The following MAP4K4 variants were observed in gnomAD, a reference collection of about 807,000 sequenced individuals.
The protein encoded by MAP4K4 is mitogen-activated protein kinase kinase kinase kinase 4.
In MAP4K4, 38 loss-of-function variants were observed where a neutral mutation model predicts 189.6. The observed-to-expected ratio is 0.20, with a 90% confidence interval of 0.15 to 0.26. The LOEUF is 0.26. MAP4K4 is among the 10% of genes least tolerant of loss of function. The pLI, the probability that MAP4K4 is intolerant of heterozygous loss-of-function variation, is 1.00. For missense variants in MAP4K4, 1,054 were observed against 1,726.9 expected (o/e 0.61, Z 6.91); for synonymous variants, 610 against 624.3 (o/e 0.98, Z 0.34).
exon 1 of MAP4K4, chr2:101,698,042 CATTT>C (rs1160391544): frequency 7.7e-7 from 1 of 1,291,176 alleles, no homozygotes; most frequent in Non-Finnish European, 1.0e-6. Flanking sequence ...GCGACAGAGA[CATTT>C]ATTGTTATTT....
At chr2:101,724,567 T>G (rs949673723) in intron 2 of MAP4K4, among the ~76,000 whole-genome samples, 2 of 152,218 alleles carry the variant, frequency 1.3e-5, no homozygotes, top group Non-Finnish European at 2.9e-5. Context: ...GTGTTTTAGG[T>G]CTTCATTTGT....
chr2:101,737,461 A>ATTTTTTTTTTTTTTTT (rs1173208424), intron 2 of MAP4K4, among the ~76,000 whole-genome samples: 1 of 26,006 alleles, frequency 3.8e-5, no homozygotes, highest in African/African-American at 1.5e-4. Flanking sequence ...ATATATATAT[A>ATTTTTTTTTTTTTTTT]TTTTTTTTTT....
At chr2:101,714,571 G>C (rs371688384) in intron 2 of MAP4K4, among the ~76,000 whole-genome samples, 23 of 151,916 alleles carry the variant, frequency 1.5e-4, no homozygotes, top group Non-Finnish European at 4.4e-5. Flanking sequence ...TATCTTCCCC[G>C]TTATCAAAAA....
chr2:101,759,939 G>T (rs907657588), intron 2 of MAP4K4, among the ~76,000 whole-genome samples: 6 of 151,498 alleles, frequency 4.0e-5, no homozygotes, highest in African/African-American at 1.2e-4. Context: ...TGACTCCTGG[G>T]CCCAAGTGAT....
At chr2:101,703,617 C>CAAAA (rs58122658) in intron 2 of MAP4K4, among the ~76,000 whole-genome samples, 6 of 38,976 alleles carry the variant, frequency 1.5e-4, no homozygotes, top group African/African-American at 3.5e-4. Flanking sequence ...GACTCTGTCT[C>CAAAA]AAAAAAAAAA....
intron 2 of MAP4K4, among the ~76,000 whole-genome samples, chr2:101,787,015 A>T (rs1401877268): frequency 6.6e-6 from 1 of 152,234 alleles, no homozygotes; most frequent in Non-Finnish European, 1.5e-5. Flanking sequence ...TAATAGGACA[A>T]GAGAGTAACA....
chr2:101,717,440 T>C (rs889554371), intron 2 of MAP4K4, among the ~76,000 whole-genome samples: 2 of 152,214 alleles, frequency 1.3e-5, no homozygotes, highest in African/African-American at 4.8e-5. Context: ...CAACAAATGA[T>C]GGGATTTGAG....
intron 12 of MAP4K4, among the ~76,000 whole-genome samples, chr2:101,847,355 A>G (rs2149647070): frequency 6.6e-6 from 1 of 152,346 alleles, no homozygotes; most frequent in East Asian, 1.9e-4. Context: ...GTTAACTGCA[A>G]AAGAGCCTTA....
At chr2:101,851,528 C>G (rs2097282999) in intron 12 of MAP4K4, among the ~76,000 whole-genome samples, 1 of 152,054 alleles carries the variant, frequency 6.6e-6, no homozygotes, top group South Asian at 2.1e-4. Context: ...GCCAGCTTTT[C>G]ACATTACCTA....
chr2:101,893,026 T>A, exon 33 of MAP4K4: 1 of 456,484 alleles, frequency 2.2e-6, no homozygotes, highest in South Asian at 1.5e-5. Flanking sequence ...TTCCTGTATA[T>A]TGTGAAAATG....
chr2:101,727,445 T>G (rs549076065), intron 2 of MAP4K4, among the ~76,000 whole-genome samples: 1 of 152,332 alleles, frequency 6.6e-6, no homozygotes, highest in Admixed American at 6.5e-5. Context: ...TCAGTGAGGT[T>G]GTCTTTTGAT....
Position 101,879,236 on chromosome 2 carries a change from G to C in MAP4K4, c.3385+2090G>C, listed in dbSNP as rs1173405366. 1.4e-5 allele frequency among the ~76,000 whole-genome samples: 2 copies of C among 145,348 alleles called. 1 individual carries two copies. Among genetic ancestry groups the C allele is most frequent in the East Asian group, 3.9e-4 (2 of 5,096 alleles). ...AAAAAAAAATTAATAATTATAATCA[G>C]CTGATACCAGTAATCATTTTTTGGT... On this transcript the variant is annotated intron_variant, in intron 27 of 32. Transcript: ENST00000324219.
intron 3 of MAP4K4, among the ~76,000 whole-genome samples, chr2:101,805,007 G>A (rs971344020): frequency 2.0e-5 from 3 of 150,284 alleles, no homozygotes; most frequent in Non-Finnish European, 4.4e-5. Context: ...CCAGGAGGCG[G>A]AGGTTGCAGT....
chr2:101,714,165 TTTAGTTTAATAGTTG>T (rs1485107562), intron 2 of MAP4K4, among the ~76,000 whole-genome samples: 2 of 152,148 alleles, frequency 1.3e-5, no homozygotes, highest in Non-Finnish European at 2.9e-5. Flanking sequence ...CCTTTTCAGG[TTTAGTTTAATAGTTG>T]TTATTCTTAT....
chr2:101,698,995 G>A (rs1198010754), intron 2 of MAP4K4, among the ~76,000 whole-genome samples: 1 of 152,164 alleles, frequency 6.6e-6, no homozygotes, highest in African/African-American at 2.4e-5. Flanking sequence ...TGCTCAAGGT[G>A]GGGAGTTTGG....
intron 3 of MAP4K4, among the ~76,000 whole-genome samples, chr2:101,795,582 T>C (rs892899567): frequency 1.3e-5 from 2 of 152,204 alleles, no homozygotes; most frequent in African/African-American, 2.4e-5. Flanking sequence ...CTGGAACAAG[T>C]AGATATTTGA....
chr2:101,731,865 T>C (rs2058657558), intron 2 of MAP4K4, among the ~76,000 whole-genome samples: 1 of 152,188 alleles, frequency 6.6e-6, no homozygotes, highest in Non-Finnish European at 1.5e-5. Flanking sequence ...AGGATTCCTT[T>C]TAAATGAAAA....
At chr2:101,706,394 T>G (rs1432584440) in intron 2 of MAP4K4, among the ~76,000 whole-genome samples, 1 of 152,246 alleles carries the variant, frequency 6.6e-6, no homozygotes. Flanking sequence ...ATCATGACTA[T>G]GTAAATACCA....
At chr2:101,879,213 A>G (rs1396629531) in intron 27 of MAP4K4, among the ~76,000 whole-genome samples, 1 of 149,544 alleles carries the variant, frequency 6.7e-6, no homozygotes, top group East Asian at 1.9e-4. Flanking sequence ...AAAAAAAAAA[A>G]AAAAAATTAA....
Sources: gnomAD v4.1 joint callset for allele counts (sites outside exome capture counted in the v4.1 genomes callset) on GRCh38, gnomAD v4.1.1 for gene constraint, MANE v1.5 for transcripts, NCBI Gene and HGNC (gene_info 2026-07-23, HGNC 2026-07-21) for gene names.